Variants in RNF130 observed in about 807,000 individuals in gnomAD.
RNF130 encodes E3 ubiquitin-protein ligase RNF130.
Under a neutral mutation model 44.6 loss-of-function variants are expected in RNF130, and 21 were observed. The observed-to-expected ratio is 0.47, with a 90% confidence interval of 0.33 to 0.68. The LOEUF (loss-of-function observed/expected upper bound fraction) is 0.68. RNF130 is among the 30% of genes least tolerant of loss of function. RNF130 has a pLI of 0.02. For missense variants in RNF130, 479 were observed against 560.6 expected, an observed-to-expected ratio of 0.85 and a Z score of 1.47; for synonymous variants, 214 against 210.4, an observed-to-expected ratio of 1.02 and a Z score of -0.15.
chr5:179,947,055 G>A (rs116111019), intron 7 of RNF130, among the ~76,000 whole-genome samples: 69 of 152,196 alleles, frequency 4.5e-4, no homozygotes, highest in Non-Finnish European at 7.8e-4. Context: ...GCACACTGAC[G>A]CAACCCTACT....
intron 1 of RNF130, among the ~76,000 whole-genome samples, chr5:180,068,332 C>T (rs538996010): frequency 6.6e-6 from 1 of 152,204 alleles, no homozygotes; most frequent in Non-Finnish European, 1.5e-5. Flanking sequence ...AGAAAGCAAC[C>T]GTGATCTGTG....
intron 7 of RNF130, among the ~76,000 whole-genome samples, chr5:179,935,670 T>C (rs1050276416): frequency 1.3e-5 from 2 of 152,148 alleles, no homozygotes; most frequent in African/African-American, 2.4e-5. Context: ...TCTAAGTTTT[T>C]TCCTCTTCTT....
intron 8 of RNF130, among the ~76,000 whole-genome samples, chr5:179,958,496 C>A (rs1762257760): frequency 6.6e-6 from 1 of 152,156 alleles, no homozygotes; most frequent in African/African-American, 2.4e-5. Flanking sequence ...GGCCTCTGAT[C>A]CCTCCTAGGA....
intron 8 of RNF130, among the ~76,000 whole-genome samples, chr5:179,959,571 G>A (rs1476979553): frequency 1.3e-5 from 2 of 151,736 alleles, no homozygotes; most frequent in East Asian, 1.9e-4. Context: ...AGGTTGTGGT[G>A]AGCTGAGATG....
chr5:179,977,857 A>T lies in RNF130; in HGVS notation c.848+346T>A, dbSNP rs954646991. Reference sequence around the variant, plus strand: ...GTGACAGAGCGAGACTCCGTCTCAAAAAATAAATAAATAAATAAATAAAAG... The same window carrying T: ...GTGACAGAGCGAGACTCCGTCTCAATAAATAAATAAATAAATAAATAAAAG... On this transcript the variant is annotated intron_variant, in intron 5 of 8. Coordinates refer to ENST00000521389, the MANE Select transcript of RNF130 (RefSeq NM_018434.6). This position sits in a 1 kb window ranked among gnomAD's most constrained non-coding sequence, Gnocchi z 4.1. Among the ~76,000 whole-genome samples, 5 of 152,240 alleles carry T rather than the reference A, an allele frequency of 3.3e-5. No homozygotes were observed. The highest frequency in any genetic ancestry group is 9.6e-5 in the African/African-American group (4 of 41,470).
rs76598499 is a variant in RNF130 at position 180,033,927 on chromosome 5, T to G, written c.442+6526A>C. Among the ~76,000 whole-genome samples, 636 of 152,298 alleles carry G rather than the reference T, an allele frequency of 4.2e-3. 1 individual carries two copies. The highest frequency in any genetic ancestry group is 6.0e-3 in the Non-Finnish European group (408 of 68,018). On this transcript the variant is annotated intron_variant, in intron 2 of 8. Coordinates refer to ENST00000521389, the MANE Select transcript of RNF130 (RefSeq NM_018434.6). Reference sequence around the variant, plus strand: ...ATGGTTAAAACCACAAGAAAAATGTTGAGTAAGTATAATGTTGAATACAAC... The same window carrying G: ...ATGGTTAAAACCACAAGAAAAATGTGGAGTAAGTATAATGTTGAATACAAC...
intron 3 of RNF130, among the ~76,000 whole-genome samples, chr5:180,005,474 G>A (rs891191001): frequency 6.6e-6 from 1 of 152,108 alleles, no homozygotes; most frequent in Non-Finnish European, 1.5e-5. Flanking sequence ...ATTGATTATA[G>A]AATAAAGCCT....
intron 3 of RNF130, among the ~76,000 whole-genome samples, chr5:179,995,494 C>T (rs951907343): frequency 6.6e-6 from 1 of 152,220 alleles, no homozygotes; most frequent in Admixed American, 6.5e-5. Flanking sequence ...CTAACAGATG[C>T]TGCTTCTGCT....
At chr5:180,058,983 C>T (rs997237328) in intron 1 of RNF130, among the ~76,000 whole-genome samples, 2 of 152,050 alleles carry the variant, frequency 1.3e-5, no homozygotes, top group Non-Finnish European at 2.9e-5. Flanking sequence ...GTTATTTTAC[C>T]ACAATTAAAA....
At chr5:179,987,471 C>T (rs1255873123) in intron 3 of RNF130, among the ~76,000 whole-genome samples, 1 of 152,196 alleles carries the variant, frequency 6.6e-6, no homozygotes, top group Non-Finnish European at 1.5e-5. Context: ...GCTTGGCCAC[C>T]TTTTATTTCT....
At chr5:179,955,758 C>T (rs1762198810) in intron 8 of RNF130, 89 bp from the exon 9 acceptor site, 3 of 1,070,614 alleles carry the variant, frequency 2.8e-6, no homozygotes, top group Middle Eastern at 2.1e-4. Flanking sequence ...TGAAGGGTGG[C>T]CTGGCTGTCC....
chr5:179,967,315 A>G (rs370271953), intron 6 of RNF130, among the ~76,000 whole-genome samples: 1 of 152,240 alleles, frequency 6.6e-6, no homozygotes, highest in Non-Finnish European at 1.5e-5. Context: ...ACATAAAGAT[A>G]GCAAACATCC....
exon 8 of RNF130, chr5:179,920,110 T>A: frequency 2.1e-6 from 1 of 486,682 alleles, no homozygotes; most frequent in South Asian, 3.6e-5. Flanking sequence ...GGGTTTTCAA[T>A]ACCACAAGGC....
intron 7 of RNF130, among the ~76,000 whole-genome samples, chr5:179,948,868 G>C (rs1582135059): frequency 1.3e-5 from 2 of 152,246 alleles, no homozygotes; most frequent in Admixed American, 1.3e-4. Flanking sequence ...TAAGCTGCTG[G>C]GTAGAATCAG....
intron 2 of RNF130, among the ~76,000 whole-genome samples, chr5:180,024,269 G>A (rs1256310666): frequency 6.6e-6 from 1 of 152,166 alleles, no homozygotes; most frequent in Non-Finnish European, 1.5e-5. Flanking sequence ...TGAAAACTAA[G>A]GAAATATGAA....
rs933040839 is a variant in RNF130 at position 179,941,513 on chromosome 5, G to A, written c.1151-21087C>T. 3.9e-5 allele frequency among the ~76,000 whole-genome samples: 6 copies of A among 152,002 alleles called. No individual in the cohort carries two copies. In the East Asian group the frequency reaches 1.2e-3, roughly 29 times the overall value. On this transcript the variant is annotated intron_variant, in intron 7 of 7. Transcript: ENST00000522208. ...TTCTGCTTGGTGGCCCATGAATTCC[G>A]AGTTTCATCTCACAAGCCCAATAAG... is the stretch of plus-strand genomic sequence containing the variant.
At chr5:180,059,363 C>T (rs566764362) in intron 1 of RNF130, among the ~76,000 whole-genome samples, 2 of 152,286 alleles carry the variant, frequency 1.3e-5, no homozygotes, top group Middle Eastern at 6.8e-3. Flanking sequence ...ATTAAATAAT[C>T]GTGTTATGAC....
intron 5 of RNF130, among the ~76,000 whole-genome samples, chr5:179,973,056 G>C (rs1582153323): frequency 6.6e-6 from 1 of 151,996 alleles, no homozygotes; most frequent in South Asian, 2.1e-4. Flanking sequence ...AAATATTTTT[G>C]GTCTTTAAAA....
exon 8 of RNF130, chr5:179,914,624 TG>T (rs1387642788): frequency 6.6e-6 from 1 of 152,268 alleles, no homozygotes; most frequent in Admixed American, 6.6e-5. Flanking sequence ...AGGGTATGCA[TG>T]CCTGTGGGGG....
Sources: gnomAD v4.1 joint callset for allele counts (sites outside exome capture counted in the v4.1 genomes callset) on GRCh38, gnomAD v4.1.1 for gene constraint, Gnocchi (gnomAD v3.1) non-coding constraint, MANE v1.5 for transcripts, NCBI Gene and HGNC (gene_info 2026-07-23, HGNC 2026-07-21) for gene names.